The following TFDP2 variants were observed in gnomAD, a reference collection of about 807,000 sequenced individuals.
The protein encoded by TFDP2 is transcription factor Dp-2 (E2F dimerization partner 2).
Under a neutral mutation model 59.3 loss-of-function variants are expected in TFDP2, and 17 were observed. That is an observed-to-expected ratio of 0.29 (90% confidence interval 0.20 to 0.43). The LOEUF (loss-of-function observed/expected upper bound fraction) is 0.43, where lower values mean the gene tolerates loss of function less well. Among genes scored for constraint, TFDP2 ranks in the 20% least tolerant of loss-of-function variants. The pLI is 1.00. For missense variants in TFDP2, 391 were observed against 528.8 expected (o/e 0.74, Z 2.56); for synonymous variants, 180 against 194.7 (o/e 0.92, Z 0.63).
At chr3:141,986,998 C>A (rs1286725596) in intron 6 of TFDP2, among the ~76,000 whole-genome samples, 3 of 152,120 alleles carry the variant, frequency 2.0e-5, no homozygotes, top group Non-Finnish European at 2.9e-5. Flanking sequence ...AGCAACCTTG[C>A]TAAATTCATT....
chr3:141,998,122 C>T (rs965341560), intron 4 of TFDP2, among the ~76,000 whole-genome samples: 3 of 151,918 alleles, frequency 2.0e-5, no homozygotes, highest in African/African-American at 7.3e-5. Flanking sequence ...AGAGAGATGA[C>T]GCACCTGAAT....
chr3:142,113,242 T>C (rs1305748022), intron 1 of TFDP2, among the ~76,000 whole-genome samples: 2 of 147,026 alleles, frequency 1.4e-5, no homozygotes, highest in Admixed American at 6.8e-5. Flanking sequence ...ACAAGCTAGA[T>C]GACATTTATT....
chr3:141,969,472 G>A (rs1009644037), intron 9 of TFDP2, among the ~76,000 whole-genome samples: 16 of 151,342 alleles, frequency 1.1e-4, no homozygotes, highest in African/African-American at 3.9e-4. Flanking sequence ...AACTAGCCAG[G>A]CATGGTGGCG....
chr3:142,139,849 G>A (rs970980462), intron 1 of TFDP2, among the ~76,000 whole-genome samples: 2 of 151,878 alleles, frequency 1.3e-5, no homozygotes, highest in East Asian at 3.9e-4. Context: ...TGTATCTTGG[G>A]GTTGCTCTTC....
intron 1 of TFDP2, among the ~76,000 whole-genome samples, chr3:142,122,230 T>A (rs1439765435): frequency 1.3e-5 from 2 of 152,126 alleles, no homozygotes; most frequent in Admixed American, 1.3e-4. Flanking sequence ...TAACAGTGCA[T>A]CAAAAGTTTA....
In TFDP2 at chr3:142,094,905, A is replaced by T. The variant is rs566958169; in HGVS notation, c.16-1778T>A. ...CTGTGCAGCACATCAGATCTCCAGC[A>T]ATCTGAAAAGATTTTAAAGCACACA... is the stretch of plus-strand genomic sequence containing the variant. On this transcript the variant is annotated intron_variant, in intron 2 of 12. Coordinates refer to ENST00000489671, the MANE Select transcript of TFDP2 (RefSeq NM_001178139.2). Among the ~76,000 whole-genome samples the T allele has an allele frequency of 5.3e-5, 8 of 152,232 alleles. No individual in the cohort carries two copies. The South Asian group carries it at 1.7e-3, about 32-fold the overall frequency.
chr3:142,014,332 TAGGGAGGGG>T (rs1944958561), intron 3 of TFDP2, among the ~76,000 whole-genome samples: 1 of 151,950 alleles, frequency 6.6e-6, no homozygotes, highest in Non-Finnish European at 1.5e-5. Context: ...TTATTTTTTG[TAGGGAGGGG>T]GTCTCAGTAT....
At chr3:142,071,399 C>A (rs974110088) in intron 3 of TFDP2, among the ~76,000 whole-genome samples, 3 of 152,104 alleles carry the variant, frequency 2.0e-5, no homozygotes, top group Admixed American at 2.0e-4. Flanking sequence ...CTCAACTGAT[C>A]CAACTGCATT....
At chr3:142,028,655 G>C in intron 3 of TFDP2, 3 of 985,348 alleles carry the variant, frequency 3.0e-6, no homozygotes, top group Non-Finnish European at 3.6e-6. Flanking sequence ...GTGGAAACTT[G>C]AGACTGTGTC....
intron 8 of TFDP2, among the ~76,000 whole-genome samples, chr3:141,970,984 G>A (rs1939642951): frequency 1.3e-5 from 2 of 151,870 alleles, no homozygotes; most frequent in South Asian, 4.1e-4. Flanking sequence ...CTTGAACTTG[G>A]GAGGCAGAGA....
Position 141,978,771 on chromosome 3 carries a change from A to C in TFDP2, c.357-89T>G, listed in dbSNP as rs534930060. ...TGTAAGATAATGCAAGAAGACAGTA[A>C]TTTAAGTTTTACTTCAAGTGTCAAA... On this transcript the variant is annotated intron_variant, in intron 6 of 12. Coordinates refer to ENST00000489671, the MANE Select transcript of TFDP2 (RefSeq NM_001178139.2). 1.7e-4 allele frequency: 168 copies of C among 1,016,962 alleles called. 1 individual carries two copies. The African/African-American group carries it at 2.5e-3, about 15-fold the overall frequency. 63.0% of individuals were successfully genotyped at this position (1,016,962 alleles called of 1,614,324 possible). A position where few individuals can be genotyped will look rare whatever the true frequency, so the allele number is the denominator to read the frequency against.
intron 1 of TFDP2, among the ~76,000 whole-genome samples, chr3:142,114,987 T>C (rs2061799036): frequency 6.6e-6 from 1 of 151,994 alleles, no homozygotes; most frequent in Non-Finnish European, 1.5e-5. Flanking sequence ...AAAAAAATTA[T>C]ATATGCTCAT....
chr3:142,020,537 G>T lies in TFDP2; in HGVS notation c.83-14993C>A, dbSNP rs907292. 9.7e-3 allele frequency among the ~76,000 whole-genome samples: 1,462 copies of T among 151,316 alleles called. 17 individuals carry two copies. The highest frequency in any genetic ancestry group is 0.042 in the Admixed American group (640 of 15,168). ...GCAACAGAGCAAGACTCCGTCTCGG[G>T]GGGGAAAAGAAAGAAAGAAGAAAGT... On this transcript the variant is annotated intron_variant, in intron 3 of 12. Transcript: ENST00000489671.
intron 3 of TFDP2, among the ~76,000 whole-genome samples, chr3:142,044,849 A>T (rs1947247293): frequency 6.6e-6 from 1 of 152,040 alleles, no homozygotes; most frequent in Admixed American, 6.6e-5. Context: ...TAACCTCTTT[A>T]CCTCCGTGTT....
chr3:142,053,305 T>C (rs927756734), intron 3 of TFDP2, among the ~76,000 whole-genome samples: 5 of 152,142 alleles, frequency 3.3e-5, no homozygotes, highest in African/African-American at 1.2e-4. Flanking sequence ...GTGTCATCCC[T>C]ATGGTAATGA....
At chr3:141,957,492 G>GT (rs1936836064) in intron 11 of TFDP2, among the ~76,000 whole-genome samples, 2 of 152,094 alleles carry the variant, frequency 1.3e-5, no homozygotes, top group African/African-American at 4.8e-5. Flanking sequence ...AAAAACATAT[G>GT]TTTACACATA....
chr3:141,971,601 C>T (rs886921999), intron 8 of TFDP2, among the ~76,000 whole-genome samples: 3 of 152,014 alleles, frequency 2.0e-5, no homozygotes, highest in Non-Finnish European at 2.9e-5. Flanking sequence ...GACTGAGCTC[C>T]TGCACTAAGC....
chr3:142,131,564 ATT>A (rs1462207422), intron 1 of TFDP2, among the ~76,000 whole-genome samples: 1 of 150,412 alleles, frequency 6.6e-6, no homozygotes, highest in Non-Finnish European at 1.5e-5. Flanking sequence ...TTGTAAGTAA[ATT>A]TATGATTAGC....
Position 142,099,157 on chromosome 3 carries a change from C to T in TFDP2, c.15+2578G>A, listed in dbSNP as rs1173037487. On this transcript the variant is annotated intron_variant, in intron 2 of 12. Transcript: ENST00000489671. The stretch of plus-strand genomic sequence containing the variant: ...CAATCTCTTCTGTGTTTGTGAGTCA[C>T]TTCTCAGTAACATGTGACACAATTG... 2.0e-5 allele frequency among the ~76,000 whole-genome samples: 3 copies of T among 152,184 alleles called. No individual in the cohort carries two copies. In the East Asian group the frequency reaches 5.8e-4, roughly 29 times the overall value.
Sources: allele counts gnomAD v4.1 joint callset (sites outside exome capture counted in the v4.1 genomes callset), GRCh38; gene constraint gnomAD v4.1.1; transcripts MANE v1.5; gene names NCBI Gene and HGNC (gene_info 2026-07-23, HGNC 2026-07-21).